Variants in GFOD1 observed in about 807,000 individuals in gnomAD.
The protein encoded by GFOD1 is Gfo/Idh/MocA-like oxidoreductase domain containing 1, also known as glucose-fructose oxidoreductase domain-containing protein 1.
Under a neutral mutation model 25.4 loss-of-function variants are expected in GFOD1, and 9 were observed. The observed-to-expected ratio is 0.35, with a 90% CI of 0.21 to 0.62. The LOEUF is 0.62. GFOD1 is among the 20% of genes least tolerant of loss of function. The probability of loss-of-function intolerance (pLI) is 0.72; values close to 1 mark genes in which losing one functional copy is unlikely to be tolerated. For synonymous variants in GFOD1, 253 were observed against 245.6 expected (o/e 1.03, Z -0.28); for missense variants, 403 against 556.9 (o/e 0.72, Z 2.78).
At chr6:13,391,115 T>C (rs17700842) in intron 1 of GFOD1, among the ~76,000 whole-genome samples, 31,786 of 152,128 alleles carry the variant, frequency 0.21, 4,017 homozygotes, top group Middle Eastern at 0.37. Context: ...GGACACTTAA[T>C]TAAGATTTTC....
At chr6:13,405,559 G>A (rs781417876) in intron 1 of GFOD1, among the ~76,000 whole-genome samples, 5 of 152,194 alleles carry the variant, frequency 3.3e-5, no homozygotes, top group Non-Finnish European at 2.9e-5. Context: ...GAGATGACCA[G>A]TTATAAATCA....
At chr6:13,386,371 C>T (rs1201466328) in intron 1 of GFOD1, among the ~76,000 whole-genome samples, 3 of 152,240 alleles carry the variant, frequency 2.0e-5, no homozygotes, top group East Asian at 3.9e-4. Flanking sequence ...ATACACACCG[C>T]GTAGGTGAAA....
intron 1 of GFOD1, among the ~76,000 whole-genome samples, chr6:13,409,185 GAAAGAA>G (rs1786018078): frequency 1.7e-5 from 1 of 60,472 alleles, no homozygotes; most frequent in African/African-American, 3.9e-5. Context: ...GAGAGAGAGA[GAAAGAA>G]AGAAAGAAAG....
At chr6:13,464,861 CGTGTGTGTGTGT>C (rs36218477) in intron 1 of GFOD1, among the ~76,000 whole-genome samples, 29,575 of 146,582 alleles carry the variant, frequency 0.2, 3,326 homozygotes, top group African/African-American at 0.3. Flanking sequence ...TTCCTCTTTC[CGTGTGTGTGTGT>C]GTGTGTGTGT....
chr6:13,440,595 G>T (rs564590314), intron 1 of GFOD1, among the ~76,000 whole-genome samples: 1 of 152,166 alleles, frequency 6.6e-6, no homozygotes, highest in African/African-American at 2.4e-5. Context: ...ACTCCTCATC[G>T]CTAGAAAACC....
At chr6:13,400,534 G>A (rs150601012) in intron 1 of GFOD1, among the ~76,000 whole-genome samples, 256 of 152,352 alleles carry the variant, frequency 1.7e-3, no homozygotes, top group African/African-American at 3.1e-3. Flanking sequence ...TAGAACCTCC[G>A]TTTCGAGTTT....
chr6:13,456,067 G>A (rs911833347), intron 1 of GFOD1, among the ~76,000 whole-genome samples: 1 of 152,220 alleles, frequency 6.6e-6, no homozygotes, highest in African/African-American at 2.4e-5. Context: ...GGGTCTCAGA[G>A]GTGGGTTTTA....
At chr6:13,381,641 C>T (rs761522780) in intron 1 of GFOD1, among the ~76,000 whole-genome samples, 2 of 152,146 alleles carry the variant, frequency 1.3e-5, no homozygotes, top group Admixed American at 1.3e-4. Flanking sequence ...TTGGGTGGAG[C>T]ATGTGGGAGA....
chr6:13,481,555 C>A (rs1334937379), intron 1 of GFOD1, among the ~76,000 whole-genome samples: 1 of 99,808 alleles, frequency 1.0e-5, no homozygotes, highest in Non-Finnish European at 2.0e-5. Flanking sequence ...GAGAGTGATA[C>A]CTTACACACA....
intron 1 of GFOD1, among the ~76,000 whole-genome samples, chr6:13,429,310 C>CA (rs1294029061): frequency 6.6e-6 from 1 of 152,228 alleles, no homozygotes; most frequent in Non-Finnish European, 1.5e-5. Context: ...TGTGTGGCCC[C>CA]AACGTGAAAT....
Position 13,486,729 on chromosome 6 carries a change from G to A in GFOD1, c.162C>T (p.Arg54=). ...KEMSVPFYTS[R]IDEVLLHQDV... ...CCTGATGCAGCAGCACCTCATCAATGCGGCTAGTGTAGAAGGGGACACTCA... is the reference window on the plus strand; with the variant it reads ...CCTGATGCAGCAGCACCTCATCAATACGGCTAGTGTAGAAGGGGACACTCA... The change falls in exon 1 of 2, where the codon CGC becomes CGT. Residue 54 remains arginine (R), a synonymous_variant. Transcript: ENST00000379287. 6.2e-7 allele frequency: 1 copy of A among 1,614,022 alleles called. No individual in the cohort carries two copies. The highest frequency in any genetic ancestry group is 2.2e-5 in the East Asian group (1 of 44,888).
intron 1 of GFOD1, among the ~76,000 whole-genome samples, chr6:13,375,749 C>G (rs139543799): frequency 3.3e-5 from 5 of 152,318 alleles, no homozygotes; most frequent in Non-Finnish European, 5.9e-5. Context: ...AAGCCTGTTG[C>G]CTGGGCCCTC....
At position 13,397,231 on chromosome 6, in the gene GFOD1, G is replaced by A. The variant is rs548588375; in HGVS notation, c.254-31569C>T. On this transcript the variant is annotated intron_variant, in intron 1 of 1. Transcript: ENST00000379287. ...TGGGATTACAGGTGCAAGCCATGGCGCCCAGCAAGACAGATTCTTAATAAA... is the reference window on the plus strand; with the variant it reads ...TGGGATTACAGGTGCAAGCCATGGCACCCAGCAAGACAGATTCTTAATAAA... 5.3e-5 allele frequency among the ~76,000 whole-genome samples: 8 copies of A among 152,238 alleles called. No individual in the cohort carries two copies. In the East Asian group the frequency reaches 1.4e-3, roughly 26 times the overall value.
chr6:13,462,237 C>A (rs1758303774), intron 1 of GFOD1, among the ~76,000 whole-genome samples: 1 of 152,188 alleles, frequency 6.6e-6, no homozygotes. Flanking sequence ...TAAAATGCCC[C>A]TCATTATCTC....
At chr6:13,409,171 G>GAAAGAAAGGAA (rs767046415) in intron 1 of GFOD1, among the ~76,000 whole-genome samples, 1 of 20,584 alleles carries the variant, frequency 4.9e-5, no homozygotes, top group East Asian at 1.1e-3. Context: ...AGAAAGGAAA[G>GAAAGAAAGGAA]AGAGAGAGAG....
intron 1 of GFOD1, among the ~76,000 whole-genome samples, chr6:13,465,557 G>A (rs1315425738): frequency 6.6e-6 from 1 of 152,168 alleles, no homozygotes; most frequent in Non-Finnish European, 1.5e-5. Context: ...ACATTGAGGA[G>A]CTTTAAAAAA....
chr6:13,469,580 T>C, intron 1 of GFOD1: 1 of 1,059,800 alleles, frequency 9.4e-7, no homozygotes, highest in Non-Finnish European at 1.1e-6. Flanking sequence ...CAAACTTAAG[T>C]TGAATTCTGA....
intron 1 of GFOD1, among the ~76,000 whole-genome samples, chr6:13,383,511 A>G (rs1785405334): frequency 6.6e-6 from 1 of 152,260 alleles, no homozygotes; most frequent in South Asian, 2.1e-4. Flanking sequence ...TAGAACAAAC[A>G]TACACTAGGA....
At chr6:13,414,894 CTG>C (rs1786138534) in intron 1 of GFOD1, among the ~76,000 whole-genome samples, 2 of 152,164 alleles carry the variant, frequency 1.3e-5, no homozygotes, top group South Asian at 2.1e-4. Context: ...TCAAAAGAGA[CTG>C]TGACTCAAAG....
Sources: gnomAD v4.1 joint callset for allele counts (sites outside exome capture counted in the v4.1 genomes callset) on GRCh38, gnomAD v4.1.1 for gene constraint, MANE v1.5 for transcripts, NCBI Gene and HGNC (gene_info 2026-07-23, HGNC 2026-07-21) for gene names.